CCDC102B: variants seen among roughly 807,000 people sequenced by gnomAD.
CCDC102B encodes the protein coiled-coil domain-containing protein 102B.
A neutral mutation model predicts 57.4 loss-of-function variants in CCDC102B; 75 were observed. The observed-to-expected ratio is 1.31, with a 90% CI of 1.08 to 1.58. CCDC102B has a LOEUF of 1.58. Among genes scored for constraint, CCDC102B ranks in the 40% most tolerant of loss-of-function variants. CCDC102B has a pLI of 0.00. For synonymous variants in CCDC102B, 206 were observed against 201.9 expected, an observed-to-expected ratio of 1.02 and a Z score of -0.17; for missense variants, 636 against 582.6, an observed-to-expected ratio of 1.09 and a Z score of -0.94.
intron 6 of CCDC102B, among the ~76,000 whole-genome samples, chr18:68,941,123 T>G (rs1195087977): frequency 6.6e-6 from 1 of 151,558 alleles, no homozygotes; most frequent in Non-Finnish European, 1.5e-5. Context: ...CCATGCCTTA[T>G]ATTTAGCATA....
intron 2 of CCDC102B, among the ~76,000 whole-genome samples, chr18:68,758,044 AAT>A (rs1265353983): frequency 2.0e-5 from 3 of 152,094 alleles, no homozygotes; most frequent in African/African-American, 7.2e-5. Context: ...TTAATTTATG[AAT>A]ATATTACAAG....
At chr18:68,990,270 G>A (rs894517898) in intron 6 of CCDC102B, among the ~76,000 whole-genome samples, 8 of 152,162 alleles carry the variant, frequency 5.3e-5, no homozygotes, top group Admixed American at 1.3e-4. Context: ...ATTTCCAGGG[G>A]AAGCAGGGAG....
intron 2 of CCDC102B, among the ~76,000 whole-genome samples, chr18:68,717,247 A>C (rs2032075537): frequency 6.6e-6 from 1 of 152,172 alleles, no homozygotes. Flanking sequence ...TGTCTCTATA[A>C]AATAAATACC....
chr18:68,946,197 C>T (rs1401916244), intron 6 of CCDC102B, among the ~76,000 whole-genome samples: 2 of 151,922 alleles, frequency 1.3e-5, no homozygotes, highest in Non-Finnish European at 2.9e-5. Flanking sequence ...TTATTTAGAT[C>T]TTTTTCTGTA....
At chr18:68,865,171 T>C (rs1353723971) in intron 4 of CCDC102B, among the ~76,000 whole-genome samples, 1 of 152,076 alleles carries the variant, frequency 6.6e-6, no homozygotes, top group African/African-American at 2.4e-5. Flanking sequence ...CTAGTCTTAT[T>C]TACTGTTTTC....
At chr18:69,021,427 T>C (rs1236114002) in intron 7 of CCDC102B, among the ~76,000 whole-genome samples, 1 of 152,196 alleles carries the variant, frequency 6.6e-6, no homozygotes, top group Non-Finnish European at 1.5e-5. Flanking sequence ...CAGTTTCTAA[T>C]GAGATCATCA....
chr18:69,057,734 T>G (rs2052839983), downstream of CCDC102B, among the ~76,000 whole-genome samples: 1 of 151,992 alleles, frequency 6.6e-6, no homozygotes, highest in Non-Finnish European at 1.5e-5. Flanking sequence ...TTATCACAAA[T>G]GGCACAGTGC....
At chr18:68,732,398 T>C (rs2032918396) in intron 2 of CCDC102B, among the ~76,000 whole-genome samples, 1 of 151,346 alleles carries the variant, frequency 6.6e-6, no homozygotes, top group African/African-American at 2.4e-5. Flanking sequence ...CAGGCTGGAG[T>C]GCAGTGGCGT....
At chr18:68,883,400 G>A (rs1599630352) in intron 5 of CCDC102B, among the ~76,000 whole-genome samples, 1 of 152,028 alleles carries the variant, frequency 6.6e-6, no homozygotes, top group South Asian at 2.1e-4. Context: ...GACAGAGCTA[G>A]AGTCTATCAT....
At chr18:68,932,396 G>A (rs918348989) in intron 6 of CCDC102B, among the ~76,000 whole-genome samples, 1 of 151,838 alleles carries the variant, frequency 6.6e-6, no homozygotes, top group Non-Finnish European at 1.5e-5. Context: ...TGGAGAAGCA[G>A]TACTTTTCTT....
At chr18:69,028,588 A>C (rs1187292570) in intron 7 of CCDC102B, among the ~76,000 whole-genome samples, 1 of 151,984 alleles carries the variant, frequency 6.6e-6, no homozygotes, top group Non-Finnish European at 1.5e-5. Flanking sequence ...TATCTTCCTT[A>C]CTACTCCTAA....
chr18:68,738,380 G>A (rs1411632436), intron 2 of CCDC102B, among the ~76,000 whole-genome samples: 3 of 152,128 alleles, frequency 2.0e-5, no homozygotes, highest in Non-Finnish European at 2.9e-5. Flanking sequence ...GACAGGAAAG[G>A]CAGACTCTTA....
intron 6 of CCDC102B, among the ~76,000 whole-genome samples, chr18:68,906,182 C>A (rs1345267412): frequency 6.6e-6 from 1 of 152,182 alleles, no homozygotes; most frequent in East Asian, 1.9e-4. Context: ...TTGGGTACTT[C>A]ATTCCTTTTT....
intron 1 of CCDC102B, among the ~76,000 whole-genome samples, chr18:68,814,164 A>G (rs2036388173): frequency 6.6e-6 from 1 of 152,210 alleles, no homozygotes. Flanking sequence ...AGAAAACAGA[A>G]TGAGTATTTT....
chr18:68,854,364 G>T (rs34210290), intron 4 of CCDC102B, among the ~76,000 whole-genome samples: 44,356 of 151,872 alleles, frequency 0.29, 6,908 homozygotes, highest in Non-Finnish European at 0.34. Context: ...CCTCCCAAAG[G>T]GCAGGGATTA....
intron 2 of CCDC102B, chr18:68,721,315 G>A (rs1480098157): frequency 6.6e-6 from 1 of 152,098 alleles, no homozygotes; most frequent in Non-Finnish European, 1.5e-5. Context: ...ACAGAATATT[G>A]AGGCACCCAC....
At chr18:69,017,547 A>T in intron 7 of CCDC102B, among the ~76,000 whole-genome samples, 1 of 152,330 alleles carries the variant, frequency 6.6e-6, no homozygotes, top group East Asian at 1.9e-4. Context: ...TAAAAATTAT[A>T]CATATATTTA....
chr18:68,755,127 T>C (rs1214846696), intron 2 of CCDC102B: 1 of 152,192 alleles, frequency 6.6e-6, no homozygotes, highest in African/African-American at 2.4e-5. Flanking sequence ...GCAAGTAACT[T>C]GCATAGTTGG....
intron 6 of CCDC102B, among the ~76,000 whole-genome samples, chr18:69,006,360 T>A (rs1317790488): frequency 6.6e-6 from 1 of 151,820 alleles, no homozygotes; most frequent in Admixed American, 6.6e-5. Flanking sequence ...TTAACAGAAA[T>A]GAATGGATGG....
Sources: gnomAD v4.1 joint callset for allele counts (sites outside exome capture counted in the v4.1 genomes callset) on GRCh38, gnomAD v4.1.1 for gene constraint, MANE v1.5 for transcripts, NCBI Gene and HGNC (gene_info 2026-07-23, HGNC 2026-07-21) for gene names.